FBXW10B: variants seen among roughly 807,000 people sequenced by gnomAD.
FBXW10B encodes the protein F-box and WD repeat domain containing 10B.
chr17:15,618,198 C>T, the FBXW10B span, among the ~76,000 whole-genome samples: 7 of 152,004 alleles, frequency 4.6e-5, no homozygotes, highest in East Asian at 5.8e-4. Flanking sequence ...CATGGTGGCA[C>T]GCACCTGTAG....
the FBXW10B span, chr17:15,596,423 A>G: frequency 0.33 from 378,179 of 1,150,876 alleles, 77,789 homozygotes; most frequent in African/African-American, 0.74. Flanking sequence ...ATACTCAGTT[A>G]CTCTAGGATG....
chr17:15,571,361 G>A, the FBXW10B span: 1 of 150,640 alleles, frequency 6.6e-6, no homozygotes, highest in Admixed American at 6.6e-5. Flanking sequence ...AAAAAAGTGC[G>A]TAAAAGATTT....
the FBXW10B span, chr17:15,594,469 T>A: frequency 1.0e-4 from 26 of 253,744 alleles, no homozygotes; most frequent in African/African-American, 1.4e-3. Flanking sequence ...AGACTCTGTC[T>A]CAAAAAAAAA....
chr17:15,599,075 T>C, the FBXW10B span, among the ~76,000 whole-genome samples: 1 of 149,502 alleles, frequency 6.7e-6, no homozygotes, highest in East Asian at 2.0e-4. Context: ...CTCAGGAGGC[T>C]GAGGCAGGAG....
At chr17:15,576,301 CAA>C in the FBXW10B span, among the ~76,000 whole-genome samples, 4 of 152,158 alleles carry the variant, frequency 2.6e-5, no homozygotes, top group African/African-American at 9.7e-5. Flanking sequence ...TTCAATTCAT[CAA>C]GAGTGTATTG....
At chr17:15,566,189 A>G in the FBXW10B span, 3,279 of 1,612,318 alleles carry the variant, frequency 2.0e-3, 31 homozygotes, top group Admixed American at 0.019. Flanking sequence ...TGGGGCCTAC[A>G]GGGATAGGCA....
At chr17:15,610,036 A>G in the FBXW10B span, among the ~76,000 whole-genome samples, 1 of 150,678 alleles carries the variant, frequency 6.6e-6, no homozygotes, top group Non-Finnish European at 1.5e-5. Context: ...AATTTTCTAT[A>G]TTTTTAGTAG....
At chr17:15,615,422 C>T in the FBXW10B span, among the ~76,000 whole-genome samples, 7 of 148,234 alleles carry the variant, frequency 4.7e-5, no homozygotes, top group Admixed American at 1.4e-4. Flanking sequence ...CCCGGCTTCA[C>T]GCCCTTCTGC....
the FBXW10B span, chr17:15,598,843 G>T: frequency 8.3e-7 from 1 of 1,201,372 alleles, no homozygotes; most frequent in Non-Finnish European, 1.1e-6. Flanking sequence ...GTTAATTTCT[G>T]TGTAAGTTTC....
chr17:15,594,951 G>A, the FBXW10B span: 7 of 1,603,094 alleles, frequency 4.4e-6, no homozygotes, highest in Non-Finnish European at 5.1e-6. Context: ...AACCAAAGCT[G>A]AGCCTTCTTC....
At chr17:15,568,194 A>G in the FBXW10B span, among the ~76,000 whole-genome samples, 10 of 152,232 alleles carry the variant, frequency 6.6e-5, no homozygotes, top group African/African-American at 2.4e-4. Context: ...ACGTGCATTA[A>G]AAGGACACTA....
the FBXW10B span, among the ~76,000 whole-genome samples, chr17:15,592,301 T>G: frequency 2.7e-5 from 4 of 147,860 alleles, no homozygotes; most frequent in East Asian, 1.9e-4. Flanking sequence ...CAGAGTTTTT[T>G]TTTTTTTTTT....
the FBXW10B span, among the ~76,000 whole-genome samples, chr17:15,585,344 T>TA: frequency 5.3e-5 from 8 of 151,306 alleles, no homozygotes; most frequent in Non-Finnish European, 8.9e-5. Context: ...TAAAATTTTT[T>TA]AAAAAAACCT....
At chr17:15,611,872 A>T in the FBXW10B span, among the ~76,000 whole-genome samples, 1 of 152,182 alleles carries the variant, frequency 6.6e-6, no homozygotes, top group Admixed American at 6.5e-5. Context: ...TTGCCCAAGA[A>T]CTAGTGGAAA....
the FBXW10B span, among the ~76,000 whole-genome samples, chr17:15,605,605 T>C: frequency 4.6e-5 from 7 of 152,260 alleles, no homozygotes; most frequent in South Asian, 4.1e-4. Flanking sequence ...CCCACTCTCA[T>C]ACGATGACAA....
At chr17:15,578,751 T>C in the FBXW10B span, among the ~76,000 whole-genome samples, 1 of 152,142 alleles carries the variant, frequency 6.6e-6, no homozygotes, top group African/African-American at 2.4e-5. Flanking sequence ...CCTTAAAAAT[T>C]CCTAAGTCTT....
At chr17:15,583,021 T>G in the FBXW10B span, among the ~76,000 whole-genome samples, 1 of 148,690 alleles carries the variant, frequency 6.7e-6, no homozygotes, top group Non-Finnish European at 1.5e-5. Flanking sequence ...AACAAATGCT[T>G]GTCTCTCTTT....
the FBXW10B span, chr17:15,612,685 T>A: frequency 3.1e-6 from 5 of 1,613,996 alleles, no homozygotes; most frequent in Non-Finnish European, 4.2e-6. Context: ...TTGCCCCAGA[T>A]GCTGTTGGAA....
chr17:15,572,076 A>G, the FBXW10B span: 2 of 140,424 alleles, frequency 1.4e-5, no homozygotes, highest in South Asian at 4.3e-4. Context: ...TGGTGGTTAC[A>G]CTATGTTTAC....
Sources: gnomAD v4.1 joint callset for allele counts (sites outside exome capture counted in the v4.1 genomes callset) on GRCh38, gnomAD v4.1.1 for gene constraint, MANE v1.5 for transcripts, NCBI Gene and HGNC (gene_info 2026-07-23, HGNC 2026-07-21) for gene names.